Variants in CD36 observed in about 807,000 individuals in gnomAD.
CD36 encodes the protein CD36 molecule (CD36 blood group).
CD36 carries 119 observed loss-of-function variants against 55.2 expected under a neutral mutation model. The observed-to-expected ratio is 2.15, with a 90% CI of 1.86 to 2.51. The LOEUF (loss-of-function observed/expected upper bound fraction) is 2.51, where lower values mean the gene tolerates loss of function less well. Among genes scored for constraint, CD36 ranks in the 30% most tolerant of loss-of-function variants. The probability of loss-of-function intolerance (pLI) is 0.00; values close to 1 mark genes in which losing one functional copy is unlikely to be tolerated. For synonymous variants in CD36, 186 were observed against 193.6 expected (o/e 0.96, Z 0.33); for missense variants, 819 against 555.5 (o/e 1.47, Z -4.77).
intron 11 of CD36, 144 bp downstream of exon 11, chr7:80,672,184 G>GAAACTTAGGTCA (rs1562824194): frequency 3.0e-6 from 2 of 668,236 alleles, no homozygotes; most frequent in East Asian, 5.8e-5. Flanking sequence ...AACTTAGGTC[G>GAAACTTAGGTCA]ATTTCTTCCT....
At chr7:80,647,164 T>G in intron 3 of CD36, 1 of 339,680 alleles carries the variant, frequency 2.9e-6, no homozygotes, top group South Asian at 2.7e-5. Context: ...AAGAGCATGT[T>G]GGCATGCTTT....
At chr7:80,630,058 A>G (rs1164992093) in intron 1 of CD36, among the ~76,000 whole-genome samples, 3 of 152,094 alleles carry the variant, frequency 2.0e-5, no homozygotes, top group Admixed American at 1.3e-4. Context: ...CACAAGTTTC[A>G]TCTTCATTTT....
At chr7:80,660,201 T>G (rs955288327) in intron 4 of CD36, among the ~76,000 whole-genome samples, 22 of 152,278 alleles carry the variant, frequency 1.4e-4, no homozygotes, top group African/African-American at 4.8e-4. Flanking sequence ...GAAATGTATT[T>G]TTCCTGTAAT....
chr7:80,620,245 A>G (rs770448468), intron 1 of CD36, among the ~76,000 whole-genome samples: 3 of 152,052 alleles, frequency 2.0e-5, no homozygotes, highest in Non-Finnish European at 2.9e-5. Context: ...CACTATCTAC[A>G]TGGAAATAGT....
chr7:80,615,865 GT>G (rs1182200402), intron 1 of CD36, among the ~76,000 whole-genome samples: 1 of 152,058 alleles, frequency 6.6e-6, no homozygotes, highest in East Asian at 1.9e-4. Context: ...AGCTTTCTTT[GT>G]TTCAGATTGG....
chr7:80,606,499 G>C (rs1240521407), intron 1 of CD36, among the ~76,000 whole-genome samples: 1 of 152,162 alleles, frequency 6.6e-6, no homozygotes, highest in South Asian at 2.1e-4. Context: ...ATCAATTCAT[G>C]AAGCTCATTC....
At chr7:80,623,628 G>A (rs1793593508) in intron 1 of CD36, among the ~76,000 whole-genome samples, 1 of 152,122 alleles carries the variant, frequency 6.6e-6, no homozygotes, top group African/African-American at 2.4e-5. Context: ...TTATAAGCCT[G>A]AACTTGTTAG....
At chr7:80,665,817 A>C (rs920737520) in intron 7 of CD36, 5 of 152,174 alleles carry the variant, frequency 3.3e-5, no homozygotes, top group African/African-American at 1.2e-4. Flanking sequence ...GGATGCAGGG[A>C]AACTATTACT....
upstream of CD36, among the ~76,000 whole-genome samples, chr7:80,637,311 G>A (rs2116230523): frequency 6.6e-6 from 1 of 151,862 alleles, no homozygotes; most frequent in East Asian, 1.9e-4. Flanking sequence ...GTGCCACCAA[G>A]ATAAAAGGTC....
Position 80,672,846 on chromosome 7 carries a change from G to T in CD36, c.1199+3G>T, listed in dbSNP as rs747989572. ...GTCAAGCCATCAGAAAAAATTCAGT[G>T]AGTCTCTTGAAAATGGTTATTTTGA... On this transcript the variant is annotated splice_donor_region_variant and intron_variant, in intron 12 of 14. Coordinates refer to ENST00000447544, the MANE Select transcript of CD36 (RefSeq NM_001001548.3). 1.9e-6 allele frequency: 3 copies of T among 1,601,390 alleles called. No individual in the cohort carries two copies. The highest frequency in any genetic ancestry group is 3.4e-4 in the Middle Eastern group (2 of 5,828).
At chr7:80,625,667 C>T in intron 1 of CD36, among the ~76,000 whole-genome samples, 1 of 152,002 alleles carries the variant, frequency 6.6e-6, no homozygotes, top group East Asian at 1.9e-4. Flanking sequence ...TATAATTACC[C>T]ACGTTACCTA....
intron 1 of CD36, among the ~76,000 whole-genome samples, chr7:80,644,654 A>C (rs1317147685): frequency 6.6e-6 from 1 of 152,200 alleles, no homozygotes; most frequent in East Asian, 1.9e-4. Flanking sequence ...ATACTAATAA[A>C]ATCATAAGAG....
intron 3 of CD36, among the ~76,000 whole-genome samples, chr7:80,653,101 A>G (rs923347903): frequency 6.6e-6 from 1 of 152,190 alleles, no homozygotes; most frequent in Non-Finnish European, 1.5e-5. Context: ...GATCAAACTC[A>G]TAGCATCTAA....
At position 80,674,020 on chromosome 7, in the gene CD36, GA is replaced by G. The variant is rs1798004227; in HGVS notation, c.1294del (p.Ser432ValfsTer3). The G allele has an allele frequency of 6.2e-7, 1 of 1,612,072 alleles. No individual in the cohort carries two copies. Among genetic ancestry groups the G allele is most frequent in the South Asian group, 1.1e-5 (1 of 91,000 alleles). Reference protein sequence around the residue: ...TIGDEKANMFRSQVTGKINLL... With the variant: ...TIGDEKANMFXSQVTGKINLL... ...GGTGATGAGAAGGCAAACATGTTCA[GA>G]AGTCAAGTAACTGGAAAAATAAACC... On this transcript the variant is annotated frameshift_variant, in exon 14 of 15. Coordinates refer to ENST00000447544, the MANE Select transcript of CD36 (RefSeq NM_001001548.3). LOFTEE classifies it high-confidence loss of function.
chr7:80,622,915 G>A (rs1405487722), intron 1 of CD36, among the ~76,000 whole-genome samples: 1 of 151,866 alleles, frequency 6.6e-6, no homozygotes, highest in Non-Finnish European at 1.5e-5. Context: ...GGTAAATATT[G>A]GTAACTTCAA....
chr7:80,620,491 G>A (rs1044567819), intron 1 of CD36, among the ~76,000 whole-genome samples: 1 of 152,152 alleles, frequency 6.6e-6, no homozygotes, highest in African/African-American at 2.4e-5. Flanking sequence ...AAGGTATGGG[G>A]GAAGGTGTGT....
intron 1 of CD36, among the ~76,000 whole-genome samples, chr7:80,643,993 G>A (rs908117910): frequency 1.3e-5 from 2 of 152,078 alleles, no homozygotes; most frequent in African/African-American, 4.8e-5. Context: ...CTCATTATCA[G>A]TTCACAACAT....
rs761316200 is a variant in CD36, at chr7:80,664,419, C to T, written c.623C>T (p.Ala208Val). Residue 208 changes from alanine to valine, a missense_variant, in exon 7 of 15, where the codon GCA becomes GTA. Transcript: ENST00000447544. ...CATATATTTCAGTACAACAATACTG[C>T]AGATGGAGTTTATAAAGTTTTCAAT... ...VGLFYPYNNTADGVYKVFNGK... is the reference protein window; with the variant it reads ...VGLFYPYNNTVDGVYKVFNGK... 2 of 1,550,168 alleles carry T rather than the reference C, an allele frequency of 1.3e-6. No homozygotes were observed. Among genetic ancestry groups the T allele is most frequent in the Admixed American group, 1.7e-5 (1 of 59,842 alleles).
intron 5 of CD36, chr7:80,662,312 T>G (rs953515889): frequency 2.5e-5 from 4 of 160,430 alleles, no homozygotes; most frequent in South Asian, 3.4e-4. Flanking sequence ...AAGCTGAAAT[T>G]GAAGTGGAGA....
Sources: allele counts gnomAD v4.1 joint callset (sites outside exome capture counted in the v4.1 genomes callset), GRCh38; gene constraint gnomAD v4.1.1; transcripts MANE v1.5; gene names NCBI Gene and HGNC (gene_info 2026-07-23, HGNC 2026-07-21).